SLC25A20: variants seen among roughly 807,000 people sequenced by gnomAD.
The protein encoded by SLC25A20 is solute carrier family 25 member 20, also known as mitochondrial carnitine/acylcarnitine carrier protein.
Under a neutral mutation model 39.7 loss-of-function variants are expected in SLC25A20, and 29 were observed. The observed-to-expected ratio is 0.73, with a 90% CI of 0.54 to 1.00. The LOEUF (loss-of-function observed/expected upper bound fraction) is 1.00, where lower values mean the gene tolerates loss of function less well. Among genes scored for constraint, SLC25A20 ranks in the 50% least tolerant of loss-of-function variants. The probability of loss-of-function intolerance (pLI) is 0.00; values close to 1 mark genes in which losing one functional copy is unlikely to be tolerated. For synonymous variants in SLC25A20, 103 were observed against 142.2 expected, an observed-to-expected ratio of 0.72 and a Z score of 1.96; for missense variants, 333 against 379.9, an observed-to-expected ratio of 0.88 and a Z score of 1.03.
At chr3:48,888,793 G>T (rs528625196) in intron 2 of SLC25A20, among the ~76,000 whole-genome samples, 1 of 150,982 alleles carries the variant, frequency 6.6e-6, no homozygotes, top group Admixed American at 6.6e-5. Flanking sequence ...TTATATGAAA[G>T]TTATATTTTA....
intron 8 of SLC25A20, among the ~76,000 whole-genome samples, chr3:48,858,214 T>A (rs779326831): frequency 5.9e-5 from 9 of 151,984 alleles, no homozygotes; most frequent in Non-Finnish European, 5.9e-5. Flanking sequence ...ATGATCCACC[T>A]GCCTTAGCCT....
At chr3:48,876,608 T>C (rs1413835580) in intron 4 of SLC25A20, among the ~76,000 whole-genome samples, 3 of 151,194 alleles carry the variant, frequency 2.0e-5, no homozygotes, top group African/African-American at 4.8e-5. Context: ...GTATTTTTAG[T>C]AGAGACGGGG....
rs2083923110 is a variant in SLC25A20 at position 48,898,175 on chromosome 3, T to C, written c.105+515A>G. On this transcript the variant is annotated intron_variant, in intron 1 of 8. Transcript: ENST00000319017. The stretch of plus-strand genomic sequence containing the variant: ...GCCCAGGAGGCTGAGCAGGCCACCG[T>C]TGGGTGACAGGCCGAAGAGTGTCAA... Among the ~76,000 whole-genome samples the C allele has an allele frequency of 2.6e-5, 4 of 152,226 alleles. No homozygotes were observed. In the South Asian group the frequency reaches 6.2e-4, roughly 24 times the overall value.
intron 5 of SLC25A20, among the ~76,000 whole-genome samples, chr3:48,859,915 C>T (rs557032546): frequency 1.8e-4 from 27 of 152,262 alleles, no homozygotes; most frequent in South Asian, 8.3e-4. Context: ...AACTGTAATC[C>T]GAGCACTTTG....
rs34139351 is a variant in SLC25A20 at position 48,897,346 on chromosome 3, AATAT to A, written c.105+1340_105+1343del. ...TAGGAGCAATATTTGTGTGTGTGTG[AATAT>A]ATATATATATATATATATTTTTTTT... On this transcript the variant is annotated intron_variant, in intron 1 of 8. Coordinates refer to ENST00000319017, the MANE Select transcript of SLC25A20 (RefSeq NM_000387.6). Among the ~76,000 whole-genome samples the A allele has an allele frequency of 3.0e-4, 37 of 121,328 alleles. 1 individual carries two copies. Among genetic ancestry groups the A allele is most frequent in the South Asian group, 1.6e-3 (6 of 3,856 alleles). The allele number at this position is 121,328 out of a possible 152,430, so 79.6% of individuals were successfully genotyped here.
intron 4 of SLC25A20, among the ~76,000 whole-genome samples, chr3:48,875,173 G>A (rs918409849): frequency 6.6e-6 from 1 of 151,308 alleles, no homozygotes; most frequent in Admixed American, 6.6e-5. Flanking sequence ...GTGCAATCTC[G>A]GCTCACTGCA....
chr3:48,898,523 C>A (rs573447423), intron 1 of SLC25A20, among the ~76,000 whole-genome samples, 167 bp downstream of exon 1: 17 of 152,308 alleles, frequency 1.1e-4, no homozygotes, highest in African/African-American at 3.6e-4. Context: ...CTCTTTGGGG[C>A]GCAAGGTACA....
chr3:48,875,190 A>G (rs972489447), intron 4 of SLC25A20, among the ~76,000 whole-genome samples: 1 of 150,516 alleles, frequency 6.6e-6, no homozygotes, highest in Admixed American at 6.6e-5. Context: ...TGCAACCTTC[A>G]CCTCCCGGGT....
At chr3:48,861,802 G>A (rs2083630239) in intron 5 of SLC25A20, among the ~76,000 whole-genome samples, 1 of 151,972 alleles carries the variant, frequency 6.6e-6, no homozygotes, top group South Asian at 2.1e-4. Flanking sequence ...CGAGGCAGGT[G>A]CATCACCTGA....
chr3:48,863,269 G>A (rs978338326), intron 4 of SLC25A20, among the ~76,000 whole-genome samples: 1 of 152,164 alleles, frequency 6.6e-6, no homozygotes, highest in Non-Finnish European at 1.5e-5. Context: ...AAAAGGAAGC[G>A]ACAAATACTT....
intron 1 of SLC25A20, among the ~76,000 whole-genome samples, chr3:48,897,799 C>A (rs2083921010): frequency 6.6e-6 from 1 of 152,154 alleles, no homozygotes; most frequent in Admixed American, 6.6e-5. Context: ...CATGTCTGCT[C>A]CCCACAGGCC....
intron 4 of SLC25A20, among the ~76,000 whole-genome samples, chr3:48,871,896 T>G (rs1025187477): frequency 1.3e-5 from 2 of 151,110 alleles, no homozygotes; most frequent in African/African-American, 2.4e-5. Context: ...CCTCACTCAC[T>G]GCAGCCTTAA....
intron 1 of SLC25A20, among the ~76,000 whole-genome samples, chr3:48,895,190 T>C (rs993577344): frequency 5.3e-5 from 8 of 152,324 alleles, no homozygotes; most frequent in East Asian, 1.9e-4. Flanking sequence ...GTGTTTTTAG[T>C]AGAGATGGGA....
chr3:48,894,541 G>A (rs1261639811), intron 1 of SLC25A20, among the ~76,000 whole-genome samples: 1 of 151,648 alleles, frequency 6.6e-6, no homozygotes, highest in Non-Finnish European at 1.5e-5. Context: ...CCAAAGTGCC[G>A]GGATTACAAG....
At chr3:48,894,249 C>A (rs1055759182) in intron 1 of SLC25A20, among the ~76,000 whole-genome samples, 3 of 142,872 alleles carry the variant, frequency 2.1e-5, no homozygotes, top group Non-Finnish European at 4.5e-5. Context: ...GAGTCTTTGC[C>A]GATTTTTAAT....
intron 4 of SLC25A20, among the ~76,000 whole-genome samples, chr3:48,864,908 T>C (rs554089369): frequency 8.6e-5 from 13 of 152,024 alleles, no homozygotes; most frequent in Admixed American, 2.0e-4. Context: ...ATCTAAACCG[T>C]GGGAGAAAAA....
chr3:48,867,688 G>A (rs1037969796), intron 4 of SLC25A20, among the ~76,000 whole-genome samples: 5 of 151,674 alleles, frequency 3.3e-5, no homozygotes, highest in Non-Finnish European at 7.4e-5. Context: ...AATAATGTCT[G>A]TGGCTGGGCA....
chr3:48,874,456 A>G (rs1240486374), intron 4 of SLC25A20, among the ~76,000 whole-genome samples: 1 of 151,302 alleles, frequency 6.6e-6, no homozygotes, highest in Non-Finnish European at 1.5e-5. Context: ...ACACTGTGAG[A>G]CCTTGTCCAA....
In SLC25A20 at chr3:48,872,848, G is replaced by A. The variant is rs150177841; in HGVS notation, c.417+6510C>T. Among the ~76,000 whole-genome samples the A allele has an allele frequency of 7.2e-3, 1,097 of 152,202 alleles. 18 individuals carry two copies. The highest frequency in any genetic ancestry group is 0.025 in the African/African-American group (1,058 of 41,520). On this transcript the variant is annotated intron_variant, in intron 4 of 8. Coordinates refer to ENST00000319017, the MANE Select transcript of SLC25A20 (RefSeq NM_000387.6). ...ACTGCACTTCAGCCTGGGCAATAGAGTAACACCTTGTCTCAAAAACAAAAA... is the reference window on the plus strand; with the variant it reads ...ACTGCACTTCAGCCTGGGCAATAGAATAACACCTTGTCTCAAAAACAAAAA...
Sources: allele counts gnomAD v4.1 joint callset (sites outside exome capture counted in the v4.1 genomes callset), GRCh38; gene constraint gnomAD v4.1.1; transcripts MANE v1.5; gene names NCBI Gene and HGNC (gene_info 2026-07-23, HGNC 2026-07-21).